The following ZMPSTE24 variants were observed in gnomAD, a reference collection of about 807,000 sequenced individuals.
ZMPSTE24 encodes the protein zinc metallopeptidase STE24.
A neutral mutation model predicts 56.7 loss-of-function variants in ZMPSTE24; 48 were observed. The ratio of observed to expected loss-of-function variants is 0.85; its 90% CI spans 0.67 to 1.08. The LOEUF (loss-of-function observed/expected upper bound fraction) is 1.08. Ranked by LOEUF, ZMPSTE24 falls within the 50% of genes least tolerant of loss-of-function variation. The probability of loss-of-function intolerance (pLI) is 0.00; values close to 1 mark genes in which losing one functional copy is unlikely to be tolerated. For synonymous variants in ZMPSTE24, 172 were observed against 195.2 expected, an observed-to-expected ratio of 0.88 and a Z score of 0.99; for missense variants, 503 against 548.7, an observed-to-expected ratio of 0.92 and a Z score of 0.83.
intron 6 of ZMPSTE24, among the ~76,000 whole-genome samples, chr1:40,273,433 G>A (rs554228075): frequency 4.1e-5 from 6 of 147,114 alleles, no homozygotes; most frequent in African/African-American, 1.0e-4. Context: ...CAGGAGAATC[G>A]CTTGAACCTG....
rs1557783465 is a variant in ZMPSTE24, at chr1:40,290,998, G to A, written c.1203+1G>A. On this transcript the variant is annotated splice_donor_variant, in intron 9 of 9. Coordinates refer to ENST00000372759, the MANE Select transcript of ZMPSTE24 (RefSeq NM_005857.5). LOFTEE classifies it high-confidence loss of function. ...GTTTATTTTTTCACCTTACAATGAG[G>A]TAATGTATGATCTTTAAAATTATCA... 6.2e-7 allele frequency: 1 copy of A among 1,613,688 alleles called. No individual in the cohort carries two copies. The highest frequency in any genetic ancestry group is 8.5e-7 in the Non-Finnish European group (1 of 1,179,836).
At chr1:40,258,742 C>T (rs1413569109) in intron 1 of ZMPSTE24, among the ~76,000 whole-genome samples, 1 of 152,182 alleles carries the variant, frequency 6.6e-6, no homozygotes, top group Non-Finnish European at 1.5e-5. Flanking sequence ...ACCCAACTTC[C>T]TCATGACATT....
chr1:40,272,219 A>T (rs1643620574), intron 6 of ZMPSTE24, among the ~76,000 whole-genome samples, 184 bp downstream of exon 6: 1 of 152,196 alleles, frequency 6.6e-6, no homozygotes, highest in Admixed American at 6.5e-5. Context: ...AACATAGGCC[A>T]GGGATAGAAA....
intron 2 of ZMPSTE24, chr1:40,262,974 A>G: frequency 9.9e-7 from 1 of 1,009,170 alleles, no homozygotes; most frequent in South Asian, 4.2e-5. Context: ...TGACAAGGCA[A>G]TTAGATGAGG....
intron 9 of ZMPSTE24, among the ~76,000 whole-genome samples, chr1:40,292,127 G>C (rs1469688082): frequency 6.6e-6 from 1 of 152,068 alleles, no homozygotes; most frequent in Admixed American, 6.6e-5. Context: ...CAGGTGTGAG[G>C]CACCACACCC....
At chr1:40,264,428 G>A (rs1252348916) in intron 2 of ZMPSTE24, among the ~76,000 whole-genome samples, 1 of 152,204 alleles carries the variant, frequency 6.6e-6, no homozygotes, top group African/African-American at 2.4e-5. Flanking sequence ...TAGCGTAAAT[G>A]AAGCTCAATG....
rs886044057 is a variant in ZMPSTE24 at position 40,281,389 on chromosome 1, CA to C, written c.818del (p.Lys273ArgfsTer5). On this transcript the variant is annotated frameshift_variant, in exon 7 of 10. Transcript: ENST00000372759. LOFTEE classifies it high-confidence loss of function. ...HSNAYFYGFF[K>X]NKRIVLFDTL... is the part of the protein sequence containing the mutation. ...GCAATGCTTATTTTTATGGCTTCTT[CA>C]AGAACAAGCGAATAGTTTTGTTTGA... 6.2e-7 allele frequency: 1 copy of C among 1,614,046 alleles called. No homozygotes were observed. Among genetic ancestry groups the C allele is most frequent in the Admixed American group, 1.7e-5 (1 of 60,008 alleles).
At position 40,292,848 on chromosome 1, in the gene ZMPSTE24, CTGAA is replaced by C. The variant is rs1040401350; in HGVS notation, c.*185_*188del. 7.1e-5 allele frequency: 39 copies of C among 548,062 alleles called. No homozygotes were observed. Among genetic ancestry groups the C allele is most frequent in the Non-Finnish European group, 1.1e-4 (36 of 315,550 alleles). 33.9% of individuals were successfully genotyped at this position (548,062 alleles called of 1,614,324 possible). Reference sequence around the variant, plus strand: ...TTTTAATAATTCATTTCTTAAAACACTGAATGAATTTTGAAGCTTAATGTTTTTA... The same window carrying C: ...TTTTAATAATTCATTTCTTAAAACACTGAATTTTGAAGCTTAATGTTTTTA... On this transcript the variant is annotated 3_prime_UTR_variant, in exon 10 of 10. Transcript: ENST00000372759.
chr1:40,265,609 T>A (rs1427183623), intron 2 of ZMPSTE24, among the ~76,000 whole-genome samples: 1 of 152,128 alleles, frequency 6.6e-6, no homozygotes, highest in Non-Finnish European at 1.5e-5. Context: ...CATGGAAAGA[T>A]CCTTTGAACC....
intron 6 of ZMPSTE24, among the ~76,000 whole-genome samples, chr1:40,276,773 G>T (rs115971984): frequency 0.045 from 6,894 of 152,256 alleles, 503 homozygotes; most frequent in African/African-American, 0.16. Flanking sequence ...GCACACCTAG[G>T]TTGTATGGTA....
At chr1:40,258,608 C>T (rs1386472148) in intron 1 of ZMPSTE24, among the ~76,000 whole-genome samples, 3 of 152,236 alleles carry the variant, frequency 2.0e-5, no homozygotes, top group South Asian at 4.1e-4. Context: ...ATCATGGGAC[C>T]CAATCCCTTT....
chr1:40,292,143 G>A (rs748225816), intron 9 of ZMPSTE24, among the ~76,000 whole-genome samples: 2 of 152,102 alleles, frequency 1.3e-5, no homozygotes, highest in African/African-American at 4.8e-5. Context: ...CACCCGGCCT[G>A]AGCATGACTT....
At chr1:40,260,720 G>C (rs1330965174) in intron 1 of ZMPSTE24, 119 bp from the exon 2 acceptor site, 1 of 972,256 alleles carries the variant, frequency 1.0e-6, no homozygotes, top group African/African-American at 1.6e-5. Context: ...TATTTGTGTA[G>C]GTATAAAGCA....
chr1:40,270,946 C>A (rs1341777336), intron 5 of ZMPSTE24, among the ~76,000 whole-genome samples: 1 of 152,170 alleles, frequency 6.6e-6, no homozygotes, highest in Non-Finnish European at 1.5e-5. Context: ...CAGTGAGACT[C>A]TGTCTCTACA....
chr1:40,278,557 C>CAAAAAAAAAAAAAA lies in ZMPSTE24; in HGVS notation c.770-2770_770-2757dup, dbSNP rs397979953. ...TGGGCGACAGAGTGAGACTCCGTCT[C>CAAAAAAAAAAAAAA]AAAAAAAAAAAAAAAAAAAAAAAAA... On this transcript the variant is annotated intron_variant, in intron 6 of 9. Coordinates refer to ENST00000372759, the MANE Select transcript of ZMPSTE24 (RefSeq NM_005857.5). Among the ~76,000 whole-genome samples the CAAAAAAAAAAAAAA allele has an allele frequency of 1.6e-3, 32 of 19,558 alleles. 2 individuals carry two copies. Among genetic ancestry groups the CAAAAAAAAAAAAAA allele is most frequent in the East Asian group, 3.3e-3 (3 of 910 alleles). 12.8% of individuals were successfully genotyped at this position (19,558 alleles called of 152,430 possible). A position where few individuals can be genotyped will look rare whatever the true frequency, so the allele number is the denominator to read the frequency against.
In ZMPSTE24 at chr1:40,292,696, A is replaced by G; in HGVS notation, c.*27A>G. ...ATGTCCAGGATCTGTGACTGAAGAC[A>G]TTTCTGATTATTTCTGTCCTGGCAG... On this transcript the variant is annotated 3_prime_UTR_variant, in exon 10 of 10. Transcript: ENST00000372759. 2 of 1,588,436 alleles carry G rather than the reference A, an allele frequency of 1.3e-6. No homozygotes were observed. Among genetic ancestry groups the G allele is most frequent in the Non-Finnish European group, 1.7e-6 (2 of 1,157,246 alleles).
At position 40,293,014 on chromosome 1, in the gene ZMPSTE24, G is replaced by C. The variant is rs2124006571; in HGVS notation, c.*345G>C. On this transcript the variant is annotated 3_prime_UTR_variant, in exon 10 of 10. Coordinates refer to ENST00000372759, the MANE Select transcript of ZMPSTE24 (RefSeq NM_005857.5). Reference sequence around the variant, plus strand: ...TTTGAGGGCATATGTTTGAAAGAGGGAGCATCACCACAGGAATCCTTTCTG... The same window carrying C: ...TTTGAGGGCATATGTTTGAAAGAGGCAGCATCACCACAGGAATCCTTTCTG... 2 of 259,772 alleles carry C rather than the reference G, an allele frequency of 7.7e-6. No individual in the cohort carries two copies. The highest frequency in any genetic ancestry group is 8.2e-5 in the South Asian group (2 of 24,390). The allele number at this position is 259,772 out of a possible 1,614,324, so 16.1% of individuals were successfully genotyped here. A position where few individuals can be genotyped will look rare whatever the true frequency, so the allele number is the denominator to read the frequency against.
At chr1:40,266,761 G>GTTTTTT (rs3075102) in intron 2 of ZMPSTE24, among the ~76,000 whole-genome samples, 9 of 88,116 alleles carry the variant, frequency 1.0e-4, no homozygotes, top group African/African-American at 2.4e-4. Flanking sequence ...TTTCGAACAA[G>GTTTTTT]TTTTTTTTTT....
Position 40,292,801 on chromosome 1 carries a change from T to A in ZMPSTE24, c.*132T>A. 1 of 663,796 alleles carries A rather than the reference T, an allele frequency of 1.5e-6. No homozygotes were observed. The highest frequency in any genetic ancestry group is 2.5e-6 in the Non-Finnish European group (1 of 392,474). 41.1% of individuals were successfully genotyped at this position (663,796 alleles called of 1,614,324 possible). ...AGAAAAGCCCAGATTTAAATACATT[T>A]AATATGTCATTTTAAAAATGATTTT... On this transcript the variant is annotated 3_prime_UTR_variant, in exon 10 of 10. Transcript: ENST00000372759.
Sources: gnomAD v4.1 joint callset for allele counts (sites outside exome capture counted in the v4.1 genomes callset) on GRCh38, gnomAD v4.1.1 for gene constraint, MANE v1.5 for transcripts, NCBI Gene and HGNC (gene_info 2026-07-23, HGNC 2026-07-21) for gene names.